Variants in MGAT4C observed in about 807,000 individuals in gnomAD.
MGAT4C encodes the protein MGAT4 family member C.
Under a neutral mutation model 40.1 loss-of-function variants are expected in MGAT4C, and 19 were observed. That is an observed-to-expected ratio of 0.47 (90% CI 0.33 to 0.70). The LOEUF (loss-of-function observed/expected upper bound fraction) is 0.70. Ranked by LOEUF, MGAT4C falls within the 30% of genes least tolerant of loss-of-function variation. The pLI, the probability that MGAT4C is intolerant of heterozygous loss-of-function variation, is 0.02. For missense variants in MGAT4C, 491 were observed against 563.2 expected (o/e 0.87, Z 1.30); for synonymous variants, 181 against 187.1 (o/e 0.97, Z 0.27).
intron 2 of MGAT4C, among the ~76,000 whole-genome samples, chr12:86,488,341 C>T (rs1922743): frequency 2.7e-5 from 4 of 150,856 alleles, no homozygotes; most frequent in African/African-American, 7.3e-5. Context: ...GCAAGAGTAT[C>T]GCTTCAGCCA....
chr12:86,434,616 C>T (rs969748326), intron 3 of MGAT4C, among the ~76,000 whole-genome samples: 1 of 151,906 alleles, frequency 6.6e-6, no homozygotes, highest in Non-Finnish European at 1.5e-5. Flanking sequence ...CAGTTACAGT[C>T]TTTAGAGCTA....
intron 2 of MGAT4C, among the ~76,000 whole-genome samples, chr12:86,498,432 C>G (rs1442185799): frequency 2.0e-5 from 3 of 151,674 alleles, no homozygotes; most frequent in Non-Finnish European, 4.4e-5. Flanking sequence ...TCAGAAAAAG[C>G]AAGGCATGCA....
chr12:86,702,677 A>G (rs2136617627), intron 2 of MGAT4C, among the ~76,000 whole-genome samples: 1 of 152,278 alleles, frequency 6.6e-6, no homozygotes, highest in African/African-American at 2.4e-5. Flanking sequence ...TGCTCAGAAA[A>G]AGAGATTCCT....
chr12:86,818,443 G>A (rs1441596806), intron 1 of MGAT4C, among the ~76,000 whole-genome samples: 3 of 151,078 alleles, frequency 2.0e-5, no homozygotes, highest in Non-Finnish European at 4.5e-5. Flanking sequence ...AGAGGGATAA[G>A]GTAATAGAAA....
intron 2 of MGAT4C, among the ~76,000 whole-genome samples, chr12:86,707,176 A>G (rs1164833950): frequency 6.6e-6 from 1 of 152,190 alleles, no homozygotes; most frequent in Non-Finnish European, 1.5e-5. Context: ...TAAAGTGGGA[A>G]CTGCTAAAAA....
chr12:86,036,912 C>A lies in MGAT4C; in HGVS notation c.-7+12762G>T, dbSNP rs1243343619. 4.0e-5 allele frequency among the ~76,000 whole-genome samples: 6 copies of A among 149,900 alleles called. No individual in the cohort carries two copies. The East Asian group carries it at 1.2e-3, about 29-fold the overall frequency. On this transcript the variant is annotated intron_variant, in intron 2 of 4. Coordinates refer to ENST00000611864, the MANE Select transcript of MGAT4C (RefSeq NM_001351288.2). The stretch of plus-strand genomic sequence containing the variant: ...CCTCTGGTAGAATTTGCCTGTGAAT[C>A]TGTCTGGTCCTGGACTTTTTTTGGT...
rs533572542 is a variant in MGAT4C, at chr12:86,622,438, T to A, written c.-229+104771A>T. On this transcript the variant is annotated intron_variant, in intron 2 of 7. Coordinates refer to the MGAT4C transcript ENST00000548651. ...AAAGTCTCATGTGAAATATTTAGAG[T>A]GAAAAAAACCTAAGAGTTCACACAG... Among the ~76,000 whole-genome samples the A allele has an allele frequency of 2.0e-5, 3 of 151,970 alleles. 1 individual carries two copies. In the South Asian group the frequency reaches 6.2e-4, roughly 32 times the overall value.
chr12:86,684,861 T>C (rs2136586184), intron 2 of MGAT4C, among the ~76,000 whole-genome samples: 1 of 152,210 alleles, frequency 6.6e-6, no homozygotes, highest in South Asian at 2.1e-4. Flanking sequence ...TTCATATCAT[T>C]CACCAACTTT....
chr12:86,716,129 A>T (rs1950641911), intron 2 of MGAT4C, among the ~76,000 whole-genome samples: 1 of 152,122 alleles, frequency 6.6e-6, no homozygotes, highest in Admixed American at 6.6e-5. Context: ...TTTCCAAAAG[A>T]TACAGTAAAC....
At chr12:86,124,246 G>T (rs55835911) in intron 1 of MGAT4C, among the ~76,000 whole-genome samples, 3 of 152,018 alleles carry the variant, frequency 2.0e-5, no homozygotes, top group African/African-American at 7.2e-5. Flanking sequence ...AAACTCACTT[G>T]CCTATCATGT....
At chr12:86,793,150 A>G (rs2081922562) in intron 1 of MGAT4C, among the ~76,000 whole-genome samples, 1 of 152,120 alleles carries the variant, frequency 6.6e-6, no homozygotes, top group Non-Finnish European at 1.5e-5. Flanking sequence ...TCAATTGGAT[A>G]GTGATTTTTT....
intron 2 of MGAT4C, among the ~76,000 whole-genome samples, chr12:86,629,549 C>T (rs1431076412): frequency 6.6e-6 from 1 of 152,196 alleles, no homozygotes; most frequent in African/African-American, 2.4e-5. Context: ...TCACAACAAA[C>T]TGTCTCTCAG....
At chr12:86,632,036 A>G (rs1053158419) in intron 2 of MGAT4C, among the ~76,000 whole-genome samples, 18 of 152,110 alleles carry the variant, frequency 1.2e-4, no homozygotes, top group African/African-American at 4.4e-4. Flanking sequence ...CAGAATCTAC[A>G]AAGAACTTAA....
At chr12:86,474,349 C>T (rs575276543) in intron 2 of MGAT4C, among the ~76,000 whole-genome samples, 65 of 126,036 alleles carry the variant, frequency 5.2e-4, no homozygotes, top group Non-Finnish European at 8.1e-4. Context: ...GGAAGGGGAA[C>T]ATCACACACC....
At chr12:86,261,950 A>T (rs2136096841) in intron 4 of MGAT4C, among the ~76,000 whole-genome samples, 1 of 152,166 alleles carries the variant, frequency 6.6e-6, no homozygotes, top group East Asian at 1.9e-4. Flanking sequence ...TCAGGTTGCA[A>T]TTTTTTGAAT....
intron 1 of MGAT4C, among the ~76,000 whole-genome samples, chr12:86,151,252 C>G (rs530860872): frequency 6.6e-6 from 1 of 152,050 alleles, no homozygotes; most frequent in African/African-American, 2.4e-5. Context: ...CTGAGTTAAC[C>G]TTTTTCTGCC....
rs1026680016 is a variant in MGAT4C at position 86,124,740 on chromosome 12, A to C, written c.-56-75017T>G. 2.6e-5 allele frequency among the ~76,000 whole-genome samples: 4 copies of C among 152,136 alleles called. No homozygotes were observed. In the East Asian group the frequency reaches 7.7e-4, roughly 29 times the overall value. ...ACTAGGATGTAGTTTTGGGAGACTT[A>C]TAGTTTCTACCTGGCACAGAGACAG... On this transcript the variant is annotated intron_variant, in intron 1 of 4. Transcript: ENST00000611864.
At chr12:86,224,331 G>C (rs1950995909) in intron 1 of MGAT4C, among the ~76,000 whole-genome samples, 1 of 151,950 alleles carries the variant, frequency 6.6e-6, no homozygotes, top group African/African-American at 2.4e-5. Flanking sequence ...TAAATAAAAA[G>C]ATAGACTCCA....
At chr12:86,000,293 G>C (rs199768278) in intron 2 of MGAT4C, among the ~76,000 whole-genome samples, 1 of 151,998 alleles carries the variant, frequency 6.6e-6, no homozygotes, top group Non-Finnish European at 1.5e-5. Flanking sequence ...AGAAACAAAT[G>C]CTGGTCCTTC....
Sources: allele counts gnomAD v4.1 joint callset (sites outside exome capture counted in the v4.1 genomes callset), GRCh38; gene constraint gnomAD v4.1.1; transcripts MANE v1.5; gene names NCBI Gene and HGNC (gene_info 2026-07-23, HGNC 2026-07-21).